ATXN7L1: variants seen among roughly 807,000 people sequenced by gnomAD.
The protein encoded by ATXN7L1 is ataxin 7 like 1, also known as ataxin-7-like protein 1.
Under a neutral mutation model 70.8 loss-of-function variants are expected in ATXN7L1, and 15 were observed. The ratio of observed to expected loss-of-function variants is 0.21; its 90% CI spans 0.14 to 0.33. The LOEUF (loss-of-function observed/expected upper bound fraction) is 0.33. Among genes scored for constraint, ATXN7L1 ranks in the 10% least tolerant of loss-of-function variants. The pLI, the probability that ATXN7L1 is intolerant of heterozygous loss-of-function variation, is 1.00. For synonymous variants in ATXN7L1, 440 were observed against 445.1 expected (o/e 0.99, Z 0.14); for missense variants, 975 against 1,097.1 (o/e 0.89, Z 1.57).
chr7:105,802,366 G>T (rs559329806), intron 2 of ATXN7L1, among the ~76,000 whole-genome samples: 47 of 152,210 alleles, frequency 3.1e-4, no homozygotes, highest in African/African-American at 1.1e-3. Flanking sequence ...TCAGCCCCCA[G>T]TCCCCAGCCT....
At chr7:105,818,380 A>G (rs1422131972) in intron 2 of ATXN7L1, among the ~76,000 whole-genome samples, 2 of 152,174 alleles carry the variant, frequency 1.3e-5, no homozygotes, top group African/African-American at 4.8e-5. Context: ...CATGCTGGCC[A>G]GGGATCCTCA....
chr7:105,653,279 C>T, intron 4 of ATXN7L1, among the ~76,000 whole-genome samples: 1 of 152,112 alleles, frequency 6.6e-6, no homozygotes, highest in Non-Finnish European at 1.5e-5. Context: ...GAAACCCCGT[C>T]TCTACTAAAA....
intron 2 of ATXN7L1, chr7:105,819,582 C>G (rs578185268): frequency 1.9e-6 from 2 of 1,051,702 alleles, no homozygotes; most frequent in African/African-American, 1.6e-5. Flanking sequence ...ACTGCTGGGC[C>G]GGAAGGTGGA....
At chr7:105,650,378 G>A (rs1489531737) in intron 4 of ATXN7L1, among the ~76,000 whole-genome samples, 1 of 152,196 alleles carries the variant, frequency 6.6e-6, no homozygotes, top group African/African-American at 2.4e-5. Flanking sequence ...CAACCACAGA[G>A]CATGGTAAAT....
chr7:105,680,463 C>T (rs1052851878), intron 3 of ATXN7L1, among the ~76,000 whole-genome samples: 1 of 152,150 alleles, frequency 6.6e-6, no homozygotes, highest in African/African-American at 2.4e-5. Flanking sequence ...TCATCAGTTT[C>T]AGATTGAGAG....
At chr7:105,710,334 G>A (rs1217195706) in intron 3 of ATXN7L1, among the ~76,000 whole-genome samples, 1 of 152,046 alleles carries the variant, frequency 6.6e-6, no homozygotes, top group African/African-American at 2.4e-5. Context: ...GAAGGTGAAG[G>A]GGAAGCAAGC....
At chr7:105,618,645 C>CCT (rs1794283674) in intron 9 of ATXN7L1, among the ~76,000 whole-genome samples, 1 of 152,098 alleles carries the variant, frequency 6.6e-6, no homozygotes, top group East Asian at 1.9e-4. Flanking sequence ...CCCTTCCTTG[C>CCT]CTCTACTGGA....
At position 105,610,538 on chromosome 7, in the gene ATXN7L1, G is replaced by A; in HGVS notation, c.2538C>T (p.His846=). 1.3e-6 allele frequency: 2 copies of A among 1,550,794 alleles called. No homozygotes were observed. Among genetic ancestry groups the A allele is most frequent in the Non-Finnish European group, 1.7e-6 (2 of 1,146,738 alleles). ...ACCCTCAGTAACTTACCTGTCGGCT[G>A]TGTCCTGGGCTGGATATACTTGAAG... ...SSPSSISSPG[H]SRQNTNRTGR... is the part of the protein sequence containing the mutation. Residue 846 remains histidine (H), a synonymous_variant, in exon 11 of 12, where the codon CAC becomes CAT. Coordinates refer to ENST00000419735, the MANE Select transcript of ATXN7L1 (RefSeq NM_020725.2).
chr7:105,615,649 C>T (rs564823054), intron 9 of ATXN7L1, among the ~76,000 whole-genome samples: 15 of 152,254 alleles, frequency 9.9e-5, no homozygotes, highest in South Asian at 8.3e-4. Context: ...CTTCTTGTCC[C>T]GTGTTAGGAA....
chr7:105,730,403 A>C (rs532994546), intron 3 of ATXN7L1, among the ~76,000 whole-genome samples: 58 of 152,312 alleles, frequency 3.8e-4, no homozygotes, highest in African/African-American at 1.4e-3. Context: ...TATTTAAAAA[A>C]AAAACAAGGA....
chr7:105,698,661 C>T (rs1362066002), intron 3 of ATXN7L1, among the ~76,000 whole-genome samples: 4 of 152,178 alleles, frequency 2.6e-5, no homozygotes, highest in African/African-American at 4.8e-5. Flanking sequence ...CTTGGCCATA[C>T]ACCAGATTCT....
At chr7:105,678,774 G>A (rs1169645885) in intron 3 of ATXN7L1, among the ~76,000 whole-genome samples, 1 of 152,138 alleles carries the variant, frequency 6.6e-6, no homozygotes, top group African/African-American at 2.4e-5. Context: ...GCCGGAGGCT[G>A]GTGCCTCCAG....
At chr7:105,728,669 T>C (rs969083476) in intron 3 of ATXN7L1, among the ~76,000 whole-genome samples, 5 of 152,170 alleles carry the variant, frequency 3.3e-5, no homozygotes, top group Non-Finnish European at 5.9e-5. Flanking sequence ...TGGTTTCTAG[T>C]ATCATTCTCC....
chr7:105,693,434 C>T (rs928826360), intron 3 of ATXN7L1, among the ~76,000 whole-genome samples: 4 of 152,272 alleles, frequency 2.6e-5, no homozygotes, highest in Admixed American at 2.6e-4. Flanking sequence ...TCAGGCAGTC[C>T]TCCCGCTTGG....
chr7:105,812,329 G>A (rs548277943), intron 2 of ATXN7L1, among the ~76,000 whole-genome samples: 1 of 152,290 alleles, frequency 6.6e-6, no homozygotes, highest in East Asian at 1.9e-4. Flanking sequence ...TTAAAAGCAA[G>A]GTTTCTTAAG....
chr7:105,626,837 C>T (rs961492167), intron 7 of ATXN7L1, among the ~76,000 whole-genome samples: 4 of 152,210 alleles, frequency 2.6e-5, no homozygotes, highest in Non-Finnish European at 4.4e-5. Context: ...TTACATCCTT[C>T]CAGACGTTGT....
intron 4 of ATXN7L1, among the ~76,000 whole-genome samples, chr7:105,657,771 G>A (rs1479932174): frequency 6.6e-6 from 1 of 150,394 alleles, no homozygotes; most frequent in African/African-American, 2.5e-5. Flanking sequence ...TGGCTGAACG[G>A]GATTTTAAAT....
At chr7:105,778,048 T>C (rs1339164983) in intron 3 of ATXN7L1, among the ~76,000 whole-genome samples, 1 of 152,210 alleles carries the variant, frequency 6.6e-6, no homozygotes, top group African/African-American at 2.4e-5. Context: ...CACTAATGCA[T>C]CTGCAGCATT....
intron 3 of ATXN7L1, among the ~76,000 whole-genome samples, chr7:105,735,386 C>T (rs1375397073): frequency 6.6e-6 from 1 of 152,160 alleles, no homozygotes; most frequent in African/African-American, 2.4e-5. Flanking sequence ...TCCCTATTAA[C>T]ATGTTGTCTT....
Sources: gnomAD v4.1 joint callset for allele counts (sites outside exome capture counted in the v4.1 genomes callset) on GRCh38, gnomAD v4.1.1 for gene constraint, MANE v1.5 for transcripts, NCBI Gene and HGNC (gene_info 2026-07-23, HGNC 2026-07-21) for gene names.